ASAP3: variants seen among roughly 807,000 people sequenced by gnomAD.
ASAP3 encodes the protein ArfGAP with SH3 domain, ankyrin repeat and PH domain 3.
ASAP3 carries 85 observed loss-of-function variants against 118.2 expected under a neutral mutation model. That is an observed-to-expected ratio of 0.72 (90% confidence interval 0.60 to 0.86). The LOEUF (loss-of-function observed/expected upper bound fraction) is 0.86, where lower values mean the gene tolerates loss of function less well. Among genes scored for constraint, ASAP3 ranks in the 40% least tolerant of loss-of-function variants. The probability of loss-of-function intolerance (pLI) is 0.00; values close to 1 mark genes in which losing one functional copy is unlikely to be tolerated. For missense variants in ASAP3, 1,026 were observed against 1,175.0 expected, an observed-to-expected ratio of 0.87 and a Z score of 1.85; for synonymous variants, 432 against 477.4, an observed-to-expected ratio of 0.90 and a Z score of 1.24.
intron 4 of ASAP3, among the ~76,000 whole-genome samples, chr1:23,452,401 C>T (rs1641244635): frequency 6.6e-6 from 1 of 152,202 alleles, no homozygotes; most frequent in African/African-American, 2.4e-5. Flanking sequence ...GGTTACCTAA[C>T]TCCCTTGGCC....
intron 21 of ASAP3, 28 bp from the exon 22 acceptor site, chr1:23,433,300 G>C: frequency 1.2e-6 from 2 of 1,605,008 alleles, no homozygotes; most frequent in Non-Finnish European, 1.7e-6. Flanking sequence ...TGAGGATGAG[G>C]ACAGCCTGGT....
intron 1 of ASAP3, among the ~76,000 whole-genome samples, chr1:23,482,819 G>GCGGGAGCCTGTAGTCCCAGCTACT (rs1642352140): frequency 6.6e-6 from 1 of 152,080 alleles, no homozygotes; most frequent in African/African-American, 2.4e-5. Flanking sequence ...AGGCGTAGTG[G>GCGGGAGCCTGTAGTCCCAGCTACT]CGGGAGCCTG....
At chr1:23,462,745 T>C (rs1641637616) in intron 1 of ASAP3, among the ~76,000 whole-genome samples, 1 of 151,890 alleles carries the variant, frequency 6.6e-6, no homozygotes, top group African/African-American at 2.4e-5. Flanking sequence ...GAGGGCAGTG[T>C]GAGACTCCGT....
In ASAP3 at chr1:23,431,604, T is replaced by C; in HGVS notation, c.2546+92A>G. On this transcript the variant is annotated intron_variant, in intron 23 of 24. Transcript: ENST00000336689. The stretch of plus-strand genomic sequence containing the variant: ...CCAGAGATGGCGTGTGACCCAGTCT[T>C]TAGGCAGGTACTATTTAGAGGTGTG... The C allele has an allele frequency of 2.4e-6, 3 of 1,224,986 alleles. No individual in the cohort carries two copies. In the South Asian group the frequency reaches 4.7e-5, roughly 19 times the overall value. 75.9% of individuals were successfully genotyped at this position (1,224,986 alleles called of 1,614,324 possible). A position where few individuals can be genotyped will look rare whatever the true frequency, so the allele number is the denominator to read the frequency against.
At chr1:23,479,125 C>G (rs1292209966) in intron 1 of ASAP3, among the ~76,000 whole-genome samples, 2 of 152,166 alleles carry the variant, frequency 1.3e-5, no homozygotes, top group Non-Finnish European at 2.9e-5. Context: ...TCAACCTCTG[C>G]CAGGAACTTG....
At chr1:23,451,450 G>A (rs1324979418) in intron 5 of ASAP3, 29 bp downstream of exon 5, 2 of 1,608,450 alleles carry the variant, frequency 1.2e-6, no homozygotes, top group African/African-American at 2.7e-5. Context: ...TACTCTCCCA[G>A]ACAAACGACC....
chr1:23,472,196 C>T (rs1490768698), intron 1 of ASAP3, among the ~76,000 whole-genome samples: 1 of 152,154 alleles, frequency 6.6e-6, no homozygotes. Context: ...CTTAAGGCCA[C>T]TGAATTGTAC....
At position 23,456,009 on chromosome 1, in the gene ASAP3, C is replaced by G. The variant is rs1221740339; in HGVS notation, c.220G>C (p.Glu74Gln). 6.2e-7 allele frequency: 1 copy of G among 1,614,130 alleles called. No individual in the cohort carries two copies. Among genetic ancestry groups the G allele is most frequent in the Admixed American group, 1.7e-5 (1 of 60,020 alleles). Residue 74 changes from glutamate (E) to glutamine (Q), a missense_variant, in exon 3 of 25, where the codon GAG becomes CAG. Transcript: ENST00000336689. ...GATTCCACGGCCTCTCGGTACTGCT[C>G]TTCATTCTCCACATGGCCTGTGGAG... ...SSGLGHVENE[E>Q]QYREAVESLG...
rs1043351484 is a variant in ASAP3 at position 23,438,426 on chromosome 1, C to A, written c.1102+321G>T. Among the ~76,000 whole-genome samples, 3 of 152,128 alleles carry A rather than the reference C, an allele frequency of 2.0e-5. No individual in the cohort carries two copies. The highest frequency in any genetic ancestry group is 7.2e-5 in the African/African-American group (3 of 41,416). Reference sequence around the variant, plus strand: ...AGAAAATGTAAAGAAACAATAATTTCATCTCCTTCAAGTCTGGGTATTTGG... The same window carrying A: ...AGAAAATGTAAAGAAACAATAATTTAATCTCCTTCAAGTCTGGGTATTTGG... On this transcript the variant is annotated intron_variant, in intron 12 of 24. Transcript: ENST00000336689. The surrounding 1 kb of genome is among the most constrained non-coding windows in gnomAD (Gnocchi z 4.9).
At position 23,435,975 on chromosome 1, in the gene ASAP3, C is replaced by T. The variant is rs751387661; in HGVS notation, c.1625G>A (p.Arg542His). ...TCGCTGAGGCTCAGGTGTGCACCGG[C>T]GTGCAAACCTATGCTCCACATACTT... is the stretch of plus-strand genomic sequence containing the variant. ...MAKYVEHRFARRCTPEPQRLW... is the reference protein window; with the variant it reads ...MAKYVEHRFAHRCTPEPQRLW... Residue 542 changes from arginine (R) to histidine (H), a missense_variant, in exon 17 of 25, where the codon CGC (arginine) becomes CAC (histidine). Physicochemically the swap from Arg to His is conservative, Grantham distance 29. Coordinates refer to ENST00000336689, the MANE Select transcript of ASAP3 (RefSeq NM_017707.4). 35 of 1,614,250 alleles carry T rather than the reference C, an allele frequency of 2.2e-5. No homozygotes were observed. The highest frequency in any genetic ancestry group is 2.7e-5 in the Non-Finnish European group (32 of 1,180,048).
intron 22 of ASAP3, among the ~76,000 whole-genome samples, chr1:23,432,291 G>A (rs900271183): frequency 4.6e-5 from 7 of 152,272 alleles, no homozygotes; most frequent in African/African-American, 1.7e-4. Flanking sequence ...ACAGGCACGA[G>A]CCACCACATC....
At position 23,429,677 on chromosome 1, in the gene ASAP3, G is replaced by C. The variant is rs1052074149; in HGVS notation, c.*179C>G. On this transcript the variant is annotated 3_prime_UTR_variant, in exon 25 of 25. Transcript: ENST00000336689. ...CCGCCATCAGTCCTAACAGGGAAAG[G>C]CCATGTGTCCTTGGTAGAGGCATGG... 2.9e-5 allele frequency: 17 copies of C among 594,238 alleles called. No homozygotes were observed. Among genetic ancestry groups the C allele is most frequent in the African/African-American group, 2.4e-4 (13 of 53,166 alleles). 36.8% of individuals were successfully genotyped at this position (594,238 alleles called of 1,614,324 possible). A position where few individuals can be genotyped will look rare whatever the true frequency, so the allele number is the denominator to read the frequency against.
chr1:23,461,760 T>G (rs563108164), intron 1 of ASAP3, among the ~76,000 whole-genome samples: 4 of 152,042 alleles, frequency 2.6e-5, no homozygotes, highest in Non-Finnish European at 5.9e-5. Flanking sequence ...GCTGGCGATG[T>G]CTAGAGCTCA....
Position 23,431,809 on chromosome 1 carries a change from G to A in ASAP3, c.2433C>T (p.Pro811=). 1 of 1,558,848 alleles carries A rather than the reference G, an allele frequency of 6.4e-7. No individual in the cohort carries two copies. The highest frequency in any genetic ancestry group is 1.4e-5 in the African/African-American group (1 of 71,796). Residue 811 remains proline (P), a synonymous_variant, in exon 23 of 25, where the codon CCC becomes CCT. Coordinates refer to ENST00000336689, the MANE Select transcript of ASAP3 (RefSeq NM_017707.4). ...CTTCAGAGTTGGGTGGGGCTTGGCT[G>A]GGATCCCCAGGTTCCAAGGGGCTCA... is the stretch of plus-strand genomic sequence containing the variant. ...SLMSPLEPGD[P]SQAPPNSEEG...
chr1:23,447,870 T>C (rs1197149482), intron 5 of ASAP3, among the ~76,000 whole-genome samples: 5 of 152,190 alleles, frequency 3.3e-5, no homozygotes, highest in Admixed American at 1.3e-4. Context: ...CAAAATGGCT[T>C]TGTCAATTAT....
upstream of ASAP3, chr1:23,484,450 G>A: frequency 1.9e-5 from 1 of 53,350 alleles, no homozygotes; most frequent in Non-Finnish European, 2.9e-5. Context: ...CTCAGACCCC[G>A]CCCCCTGGCG....
intron 22 of ASAP3, 140 bp from the exon 23 acceptor site, chr1:23,432,058 G>A: frequency 1.4e-6 from 1 of 715,706 alleles, no homozygotes. Flanking sequence ...CCAGGCTGGA[G>A]TGCAGTGGTG....
At chr1:23,434,419 G>C (rs376250874) in intron 18 of ASAP3, 50 bp from the exon 19 acceptor site, 2 of 1,606,536 alleles carry the variant, frequency 1.2e-6, no homozygotes, top group Admixed American at 3.3e-5. Flanking sequence ...GATCAATGAG[G>C]GGATCAAAGT....
At chr1:23,478,633 A>C (rs1323832061) in intron 1 of ASAP3, among the ~76,000 whole-genome samples, 1 of 145,376 alleles carries the variant, frequency 6.9e-6, no homozygotes, top group South Asian at 2.2e-4. Flanking sequence ...GGTGGTGGGC[A>C]CCTGTAGTCC....
Sources: allele counts gnomAD v4.1 joint callset (sites outside exome capture counted in the v4.1 genomes callset), GRCh38; gene constraint gnomAD v4.1.1; non-coding constraint Gnocchi (gnomAD v3.1); transcripts MANE v1.5; gene names NCBI Gene and HGNC (gene_info 2026-07-23, HGNC 2026-07-21).